The following FRYL variants were observed in gnomAD, a reference collection of about 807,000 sequenced individuals.
FRYL encodes the protein protein furry homolog-like.
In FRYL, 150 loss-of-function variants were observed where a neutral mutation model predicts 351.2. The observed-to-expected ratio is 0.43, with a 90% CI of 0.37 to 0.49. The LOEUF (loss-of-function observed/expected upper bound fraction) is 0.49. Ranked by LOEUF, FRYL falls within the 20% of genes least tolerant of loss-of-function variation. The pLI is 0.00. For missense variants in FRYL, 3,036 were observed against 3,619.3 expected, an observed-to-expected ratio of 0.84 and a Z score of 4.13; for synonymous variants, 1,153 against 1,257.1, an observed-to-expected ratio of 0.92 and a Z score of 1.75.
chr4:48,755,981 C>T (rs1229115253), intron 1 of FRYL, among the ~76,000 whole-genome samples: 2 of 151,262 alleles, frequency 1.3e-5, no homozygotes, highest in East Asian at 1.9e-4. Flanking sequence ...GCCACCAAAT[C>T]CCAGAACTTT....
At chr4:48,666,790 G>A (rs533932174) in intron 3 of FRYL, among the ~76,000 whole-genome samples, 1 of 152,114 alleles carries the variant, frequency 6.6e-6, no homozygotes, top group African/African-American at 2.4e-5. Flanking sequence ...CTAGAAATGT[G>A]CATCAGCTTA....
At chr4:48,605,903 C>T (rs1458511147) in intron 10 of FRYL, 70 bp from the exon 11 acceptor site, 1 of 939,830 alleles carries the variant, frequency 1.1e-6, no homozygotes, top group Non-Finnish European at 1.6e-6. Flanking sequence ...AATATCACAT[C>T]ATTTTGTGAA....
chr4:48,729,001 G>A (rs1460259520), intron 1 of FRYL, among the ~76,000 whole-genome samples: 2 of 152,206 alleles, frequency 1.3e-5, no homozygotes, highest in South Asian at 2.1e-4. Flanking sequence ...ACCTGGAGGC[G>A]CAGTACACTC....
intron 1 of FRYL, among the ~76,000 whole-genome samples, chr4:48,734,264 T>A (rs1771043832): frequency 6.6e-6 from 1 of 152,200 alleles, no homozygotes; most frequent in African/African-American, 2.4e-5. Flanking sequence ...GTAGCTATAT[T>A]AATTTTAGAC....
At chr4:48,550,951 A>T (rs1156647125) in intron 37 of FRYL, among the ~76,000 whole-genome samples, 1 of 152,106 alleles carries the variant, frequency 6.6e-6, no homozygotes, top group Non-Finnish European at 1.5e-5. Flanking sequence ...GTGTGCCTGT[A>T]GTCCCAGCTA....
At chr4:48,640,857 G>A (rs956602666) in intron 3 of FRYL, among the ~76,000 whole-genome samples, 1 of 152,144 alleles carries the variant, frequency 6.6e-6, no homozygotes, top group African/African-American at 2.4e-5. Context: ...ATCCCTGTCA[G>A]CCAGAACCAA....
intron 3 of FRYL, among the ~76,000 whole-genome samples, chr4:48,658,804 G>A (rs1239698120): frequency 6.6e-6 from 1 of 151,190 alleles, no homozygotes; most frequent in Non-Finnish European, 1.5e-5. Flanking sequence ...TAGAAGGAAA[G>A]TTGCTTTTAC....
At chr4:48,615,696 A>C (rs1749280751) in intron 7 of FRYL, among the ~76,000 whole-genome samples, 2 of 152,230 alleles carry the variant, frequency 1.3e-5, no homozygotes, top group Admixed American at 6.5e-5. Context: ...CCCACTACTT[A>C]ATTTCATCAT....
intron 1 of FRYL, among the ~76,000 whole-genome samples, chr4:48,725,636 C>G (rs1769990962): frequency 1.3e-5 from 2 of 152,180 alleles, no homozygotes; most frequent in African/African-American, 4.8e-5. Flanking sequence ...TGTCCACATC[C>G]ACACTGTCTA....
intron 2 of FRYL, among the ~76,000 whole-genome samples, chr4:48,700,057 A>C (rs1578759384): frequency 6.6e-6 from 1 of 152,370 alleles, no homozygotes; most frequent in Middle Eastern, 3.4e-3. Flanking sequence ...TGCACTAGGC[A>C]GTGAGAGACA....
At chr4:48,531,657 A>G (rs1507862) in intron 49 of FRYL, among the ~76,000 whole-genome samples, 76,523 of 152,048 alleles carry the variant, frequency 0.5, 19,604 homozygotes, top group South Asian at 0.61. Context: ...GTAACTTGGC[A>G]GTAGTGGTAA....
chr4:48,701,649 G>A (rs1766729531), intron 2 of FRYL, among the ~76,000 whole-genome samples: 1 of 152,178 alleles, frequency 6.6e-6, no homozygotes, highest in South Asian at 2.1e-4. Flanking sequence ...TCAAGTATGA[G>A]AATCAAGTAA....
intron 62 of FRYL, among the ~76,000 whole-genome samples, chr4:48,500,439 T>TAAA: frequency 6.6e-6 from 1 of 152,322 alleles, no homozygotes; most frequent in Admixed American, 6.5e-5. Context: ...ATGTTCTTGA[T>TAAA]AAAGCAACAA....
chr4:48,562,656 T>C (rs1275151986), intron 32 of FRYL, among the ~76,000 whole-genome samples: 2 of 152,194 alleles, frequency 1.3e-5, no homozygotes, highest in Non-Finnish European at 2.9e-5. Context: ...ACACACATTA[T>C]CATAAATAAT....
intron 1 of FRYL, among the ~76,000 whole-genome samples, chr4:48,724,396 C>A: frequency 6.6e-6 from 1 of 152,272 alleles, no homozygotes; most frequent in East Asian, 1.9e-4. Context: ...GGCTTGCTCC[C>A]TCCCTTTGTT....
intron 33 of FRYL, among the ~76,000 whole-genome samples, chr4:48,559,741 GA>G (rs1294048248): frequency 3.3e-5 from 5 of 149,884 alleles, no homozygotes; most frequent in East Asian, 2.0e-4. Flanking sequence ...ATAAAAAACA[GA>G]AAAAAAGGGA....
At chr4:48,559,170 A>G (rs192102606) in intron 33 of FRYL, among the ~76,000 whole-genome samples, 1 of 152,328 alleles carries the variant, frequency 6.6e-6, no homozygotes, top group Admixed American at 6.5e-5. Context: ...CAGTCCTGGC[A>G]TGCAATTATG....
At chr4:48,627,481 A>T (rs915084316) in intron 4 of FRYL, among the ~76,000 whole-genome samples, 6 of 152,180 alleles carry the variant, frequency 3.9e-5, no homozygotes, top group Non-Finnish European at 8.8e-5. Flanking sequence ...TTTGTTTCAT[A>T]ACAAATCCAT....
At chr4:48,702,644 T>C (rs1353010270) in intron 2 of FRYL, among the ~76,000 whole-genome samples, 3 of 149,114 alleles carry the variant, frequency 2.0e-5, no homozygotes, top group Non-Finnish European at 4.4e-5. Flanking sequence ...GCTCCTGCAG[T>C]CCCAGCTACT....
Sources: gnomAD v4.1 joint callset for allele counts (sites outside exome capture counted in the v4.1 genomes callset) on GRCh38, gnomAD v4.1.1 for gene constraint, MANE v1.5 for transcripts, NCBI Gene and HGNC (gene_info 2026-07-23, HGNC 2026-07-21) for gene names.